Variants in FBXL17 observed in about 807,000 individuals in gnomAD.
FBXL17 encodes the protein F-box and leucine rich repeat protein 17.
A neutral mutation model predicts 66.2 loss-of-function variants in FBXL17; 22 were observed. The ratio of observed to expected loss-of-function variants is 0.33; its 90% confidence interval spans 0.24 to 0.47. The LOEUF (loss-of-function observed/expected upper bound fraction) is 0.47. Among genes scored for constraint, FBXL17 ranks in the 20% least tolerant of loss-of-function variants. The pLI is 1.00. For missense variants in FBXL17, 878 were observed against 948.2 expected, an observed-to-expected ratio of 0.93 and a Z score of 0.97; for synonymous variants, 474 against 400.5, an observed-to-expected ratio of 1.18 and a Z score of -2.19.
intron 4 of FBXL17, among the ~76,000 whole-genome samples, chr5:108,235,259 G>C (rs1479150178): frequency 6.6e-6 from 1 of 152,104 alleles, no homozygotes; most frequent in Non-Finnish European, 1.5e-5. Flanking sequence ...CTTCACCCCA[G>C]ACTACTAATT....
At chr5:108,191,247 T>G (rs1753458373) in intron 5 of FBXL17, among the ~76,000 whole-genome samples, 1 of 152,184 alleles carries the variant, frequency 6.6e-6, no homozygotes, top group Non-Finnish European at 1.5e-5. Flanking sequence ...CTCCTACACA[T>G]GCATATTTGG....
intron 7 of FBXL17, among the ~76,000 whole-genome samples, chr5:107,920,526 T>C (rs1340441450): frequency 2.0e-5 from 3 of 152,166 alleles, no homozygotes; most frequent in African/African-American, 7.2e-5. Context: ...TAGGTAGACA[T>C]GAATTATCAG....
intron 7 of FBXL17, among the ~76,000 whole-genome samples, chr5:107,972,517 T>A (rs955485525): frequency 1.3e-5 from 2 of 152,330 alleles, no homozygotes; most frequent in Admixed American, 6.5e-5. Context: ...TATTTTATAA[T>A]CAAGAAGTTT....
chr5:108,186,118 T>C lies in FBXL17; in HGVS notation c.1744A>G (p.Arg582Gly). Residue 582 changes from arginine to glycine, a missense_variant and splice_region_variant, in exon 6 of 9, where the codon AGG becomes GGG. Physicochemically the swap from Arg to Gly is moderately radical, Grantham distance 125. Coordinates refer to ENST00000542267, the MANE Select transcript of FBXL17 (RefSeq NM_001163315.3). The part of the protein sequence containing the change: ...NLCLNWIIND[R>G]CVEVIAKEGQ... ...TTTTTAACATGTTACAATGGTTACCTGTCATTTATGATCCAGTTCAGACAG... is the reference window on the plus strand; with the variant it reads ...TTTTTAACATGTTACAATGGTTACCCGTCATTTATGATCCAGTTCAGACAG... The C allele has an allele frequency of 2.5e-6, 4 of 1,607,942 alleles. No homozygotes were observed. The highest frequency in any genetic ancestry group is 3.4e-6 in the Non-Finnish European group (4 of 1,176,096).
At chr5:108,336,378 C>T (rs1760384201) in intron 4 of FBXL17, among the ~76,000 whole-genome samples, 1 of 152,152 alleles carries the variant, frequency 6.6e-6, no homozygotes, top group African/African-American at 2.4e-5. Context: ...AAGTCAAGCT[C>T]TTCTGAACAA....
At chr5:107,884,617 C>G (rs139176197) in intron 7 of FBXL17, among the ~76,000 whole-genome samples, 16 of 152,316 alleles carry the variant, frequency 1.1e-4, no homozygotes, top group African/African-American at 3.4e-4. Context: ...TGTCCTTGGA[C>G]AGTTTTTCAT....
chr5:107,939,861 C>T (rs1212763548), intron 7 of FBXL17, among the ~76,000 whole-genome samples: 1 of 152,050 alleles, frequency 6.6e-6, no homozygotes, highest in Non-Finnish European at 1.5e-5. Context: ...CTCAGCTGAC[C>T]CAGACCAGGC....
At chr5:108,073,376 T>G (rs1748415726) in intron 6 of FBXL17, among the ~76,000 whole-genome samples, 1 of 152,086 alleles carries the variant, frequency 6.6e-6, no homozygotes, top group African/African-American at 2.4e-5. Flanking sequence ...TTCATTTTAT[T>G]TGTTACTTGA....
chr5:108,272,865 G>A (rs1472598803), intron 4 of FBXL17, among the ~76,000 whole-genome samples: 1 of 152,148 alleles, frequency 6.6e-6, no homozygotes, highest in African/African-American at 2.4e-5. Flanking sequence ...GCAGAGTATG[G>A]TATGAAAAAC....
In FBXL17 at chr5:107,980,645, A is replaced by ATATATATATATATATATAT. The variant is rs1554054251; in HGVS notation, c.1822+40279_1822+40280insATATATATATATATATATA. ...AGCCACCATGACTGGCCAATAAAATAATATATATATATATATATATTTTTT... is the reference window on the plus strand; with the variant it reads ...AGCCACCATGACTGGCCAATAAAATATATATATATATATATATATATATATATATATATATATATTTTTT... On this transcript the variant is annotated intron_variant, in intron 7 of 8. Transcript: ENST00000542267. Among the ~76,000 whole-genome samples, 7 of 79,222 alleles carry ATATATATATATATATATAT rather than the reference A, an allele frequency of 8.8e-5. 2 individuals are homozygous for ATATATATATATATATATAT. Among genetic ancestry groups the ATATATATATATATATATAT allele is most frequent in the African/African-American group, 3.0e-4 (4 of 13,428 alleles). The allele number at this position is 79,222 out of a possible 152,430, so 52.0% of individuals were successfully genotyped here. A position where few individuals can be genotyped will look rare whatever the true frequency, so the allele number is the denominator to read the frequency against.
At position 107,919,381 on chromosome 5, in the gene FBXL17, G is replaced by A. The variant is rs1336585819; in HGVS notation, c.1823-38202C>T. On this transcript the variant is annotated intron_variant, in intron 7 of 8. Coordinates refer to ENST00000542267, the MANE Select transcript of FBXL17 (RefSeq NM_001163315.3). ...TACTGATGGATCGCAACAGCTTCCT[G>A]ACAGGTACCTCTCCTTTGTCTCCAG... Among the ~76,000 whole-genome samples the A allele has an allele frequency of 3.3e-5, 5 of 152,222 alleles. No individual in the cohort carries two copies. In the East Asian group the frequency reaches 9.7e-4, roughly 29 times the overall value.
intron 4 of FBXL17, among the ~76,000 whole-genome samples, chr5:108,309,444 A>G (rs1454720278): frequency 6.6e-6 from 1 of 151,996 alleles, no homozygotes; most frequent in Non-Finnish European, 1.5e-5. Flanking sequence ...AAAAAAGGCT[A>G]TTTTCATCTT....
chr5:108,004,551 C>T (rs1214932267), intron 7 of FBXL17, among the ~76,000 whole-genome samples: 6 of 152,048 alleles, frequency 3.9e-5, no homozygotes, highest in African/African-American at 1.2e-4. Context: ...CAGAAAAGTT[C>T]CTGGGCAAAG....
At chr5:108,154,268 T>C (rs1580523015) in intron 6 of FBXL17, among the ~76,000 whole-genome samples, 1 of 112,854 alleles carries the variant, frequency 8.9e-6, no homozygotes, top group Non-Finnish European at 1.8e-5. Flanking sequence ...AAGAAAACAG[T>C]GTGGAAAGGA....
At chr5:108,131,543 T>C (rs971205581) in intron 6 of FBXL17, among the ~76,000 whole-genome samples, 1 of 152,084 alleles carries the variant, frequency 6.6e-6, no homozygotes, top group African/African-American at 2.4e-5. Context: ...CATTGGGGCT[T>C]AAAAAACAGG....
intron 4 of FBXL17, among the ~76,000 whole-genome samples, chr5:108,257,446 C>A (rs1396227715): frequency 2.0e-5 from 3 of 152,080 alleles, no homozygotes; most frequent in Non-Finnish European, 4.4e-5. Flanking sequence ...AAGGGAGGAT[C>A]TTTAGGGTAA....
At chr5:108,053,345 TAC>T (rs1366457396) in intron 6 of FBXL17, among the ~76,000 whole-genome samples, 1 of 151,376 alleles carries the variant, frequency 6.6e-6, no homozygotes, top group Non-Finnish European at 1.5e-5. Context: ...TAAACAAATT[TAC>T]AAGAAAAAAA....
chr5:108,089,883 A>C (rs1044156131), intron 6 of FBXL17, among the ~76,000 whole-genome samples: 2 of 152,180 alleles, frequency 1.3e-5, no homozygotes, highest in Non-Finnish European at 2.9e-5. Flanking sequence ...GCTGGAGTAC[A>C]GTGGCACAAA....
At chr5:108,380,066 C>T (rs188101361) in intron 1 of FBXL17, among the ~76,000 whole-genome samples, 1 of 152,180 alleles carries the variant, frequency 6.6e-6, no homozygotes, top group Non-Finnish European at 1.5e-5. Context: ...CCACTTCAAG[C>T]CCCACTAGAC....
Sources: allele counts gnomAD v4.1 joint callset (sites outside exome capture counted in the v4.1 genomes callset), GRCh38; gene constraint gnomAD v4.1.1; transcripts MANE v1.5; gene names NCBI Gene and HGNC (gene_info 2026-07-23, HGNC 2026-07-21).